Variants in PIWIL2 observed in about 807,000 individuals in gnomAD.
PIWIL2 encodes piwi-like protein 2.
Under a neutral mutation model 116.5 loss-of-function variants are expected in PIWIL2, and 81 were observed. The observed-to-expected ratio is 0.70, with a 90% CI of 0.58 to 0.84. PIWIL2 has a LOEUF of 0.84. Ranked by LOEUF, PIWIL2 falls within the 40% of genes least tolerant of loss-of-function variation. PIWIL2 has a pLI of 0.00. For synonymous variants in PIWIL2, 489 were observed against 429.5 expected, an observed-to-expected ratio of 1.14 and a Z score of -1.71; for missense variants, 1,272 against 1,212.3, an observed-to-expected ratio of 1.05 and a Z score of -0.73.
intron 16 of PIWIL2, among the ~76,000 whole-genome samples, chr8:22,311,689 A>G (rs1023511890): frequency 1.3e-5 from 2 of 152,228 alleles, no homozygotes; most frequent in Non-Finnish European, 2.9e-5. Context: ...CTGGTGATGA[A>G]CTTGGCAGAT....
In PIWIL2 at chr8:22,281,114, C is replaced by A. The variant is rs1226131884; in HGVS notation, c.199-6C>A. Reference sequence around the variant, plus strand: ...TCTTAGAACTTTATTCTTTGACTTTCCACAGGAGTCTGTGGGTTTGGTCTC... The same window carrying A: ...TCTTAGAACTTTATTCTTTGACTTTACACAGGAGTCTGTGGGTTTGGTCTC... On this transcript the variant is annotated splice_polypyrimidine_tract_variant and splice_region_variant and intron_variant, in intron 2 of 22. Coordinates refer to ENST00000356766, the MANE Select transcript of PIWIL2 (RefSeq NM_018068.5). 2 of 1,595,700 alleles carry A rather than the reference C, an allele frequency of 1.3e-6. No individual in the cohort carries two copies. The highest frequency in any genetic ancestry group is 1.7e-4 in the Middle Eastern group (1 of 6,000).
At chr8:22,346,995 C>T (rs1208421148) in intron 20 of PIWIL2, among the ~76,000 whole-genome samples, 2 of 151,194 alleles carry the variant, frequency 1.3e-5, no homozygotes, top group South Asian at 2.1e-4. Context: ...ACAACATAGA[C>T]CTCATATGTA....
chr8:22,276,716 C>T (rs2131970061), intron 1 of PIWIL2, among the ~76,000 whole-genome samples: 1 of 152,228 alleles, frequency 6.6e-6, no homozygotes, highest in South Asian at 2.1e-4. Flanking sequence ...GCCTGGGCAA[C>T]ATGGCAAGAT....
chr8:22,281,901 G>A (rs1388773520), intron 4 of PIWIL2, among the ~76,000 whole-genome samples: 1 of 144,248 alleles, frequency 6.9e-6, no homozygotes, highest in African/African-American at 2.6e-5. Flanking sequence ...CCTCCCAGGT[G>A]TCTGGGACTA....
At position 22,280,015 on chromosome 8, in the gene PIWIL2, C is replaced by CT. The variant is rs1042341912; in HGVS notation, c.198+440dup. ...AAGCCCTAAACAGAAACAAGGTTGT[C>CT]TTTTTTTTTCTTTAACAAGTAGATA... On this transcript the variant is annotated intron_variant, in intron 2 of 22. Coordinates refer to ENST00000356766, the MANE Select transcript of PIWIL2 (RefSeq NM_018068.5). 9.2e-5 allele frequency among the ~76,000 whole-genome samples: 14 copies of CT among 151,718 alleles called. No homozygotes were observed. The South Asian group carries it at 1.3e-3, about 14-fold the overall frequency.
At position 22,283,090 on chromosome 8, in the gene PIWIL2, G is replaced by A; in HGVS notation, c.482G>A (p.Gly161Asp). 2 of 1,614,150 alleles carry A rather than the reference G, an allele frequency of 1.2e-6. No homozygotes were observed. The highest frequency in any genetic ancestry group is 1.7e-6 in the Non-Finnish European group (2 of 1,180,030). The change falls in exon 5 of 23, where the codon GGT becomes GAT. Residue 161 changes from glycine (G) to aspartate (D), a missense_variant. Coordinates refer to ENST00000356766, the MANE Select transcript of PIWIL2 (RefSeq NM_018068.5). ...TTATTACCACTGGGAAGAGCAGCAG[G>A]TGGTATCAGCAGAGAAGTGGACAAG... is the stretch of plus-strand genomic sequence containing the variant. ...ASLLPLGRAA[G>D]GISREVDKPP...
chr8:22,343,002 C>T (rs139252714), intron 20 of PIWIL2, among the ~76,000 whole-genome samples: 1,654 of 152,228 alleles, frequency 0.011, 42 homozygotes, highest in African/African-American at 0.037. Context: ...GGTGTGGTGG[C>T]TCACATCTGT....
intron 10 of PIWIL2, among the ~76,000 whole-genome samples, chr8:22,293,157 G>A (rs1016032961): frequency 6.6e-6 from 1 of 152,088 alleles, no homozygotes; most frequent in Admixed American, 6.5e-5. Flanking sequence ...AGAAAGGTCT[G>A]CTTGGCCAGG....
Position 22,305,374 on chromosome 8 carries a change from A to G in PIWIL2, c.1455+506A>G, listed in dbSNP as rs548773360. On this transcript the variant is annotated intron_variant, in intron 12 of 22. Transcript: ENST00000356766. ...CCCCCGGCTAATTTTTTGTATTTTT[A>G]ATAGAGACGGGGTTTCACCGTGTTA... Among the ~76,000 whole-genome samples the G allele has an allele frequency of 3.3e-4, 50 of 152,042 alleles. 1 individual carries two copies. Among genetic ancestry groups the G allele is most frequent in the African/African-American group, 1.2e-3 (50 of 41,478 alleles).
At chr8:22,304,360 T>G in intron 11 of PIWIL2, 151 bp downstream of exon 11, 1 of 582,510 alleles carries the variant, frequency 1.7e-6, no homozygotes, top group East Asian at 2.8e-5. Context: ...TGAGCTTGTT[T>G]GTGGGATTTG....
Position 22,304,007 on chromosome 8 carries a change from AT to A in PIWIL2, c.1182-13del. The A allele has an allele frequency of 6.3e-7, 1 of 1,590,494 alleles. No individual in the cohort carries two copies. The highest frequency in any genetic ancestry group is 1.1e-5 in the South Asian group (1 of 88,826). On this transcript the variant is annotated splice_polypyrimidine_tract_variant and intron_variant, in intron 10 of 22. Coordinates refer to ENST00000356766, the MANE Select transcript of PIWIL2 (RefSeq NM_018068.5). ...ATATACTGTGATCCAAAAGTCTTTT[AT>A]CTCTTTCCAAAGGCATGCCATTTAT...
chr8:22,283,711 G>C (rs1284288571), intron 5 of PIWIL2, among the ~76,000 whole-genome samples: 2 of 152,166 alleles, frequency 1.3e-5, no homozygotes, highest in Non-Finnish European at 2.9e-5. Context: ...GTCCGGCCAA[G>C]GTGGGACAAT....
intron 7 of PIWIL2, 52 bp from the exon 8 acceptor site, chr8:22,288,490 A>G (rs372158534): frequency 6.7e-7 from 1 of 1,503,092 alleles, no homozygotes; most frequent in South Asian, 1.2e-5. Context: ...GGACTTGGTC[A>G]TTAGTTCTTA....
At chr8:22,290,594 C>G (rs1180001547) in intron 10 of PIWIL2, among the ~76,000 whole-genome samples, 2 of 150,646 alleles carry the variant, frequency 1.3e-5, no homozygotes, top group Admixed American at 1.3e-4. Flanking sequence ...GGTGTGCTAC[C>G]ATGCCCAGCC....
intron 2 of PIWIL2, 146 bp downstream of exon 2, chr8:22,279,730 A>G: frequency 1.4e-6 from 1 of 696,226 alleles, no homozygotes; most frequent in Non-Finnish European, 2.4e-6. Flanking sequence ...AGGCAGGTGG[A>G]TCATCTGAGG....
At chr8:22,336,187 C>A (rs78396212) in intron 20 of PIWIL2, among the ~76,000 whole-genome samples, 9,263 of 152,220 alleles carry the variant, frequency 0.061, 351 homozygotes, top group Admixed American at 0.091. Context: ...CCAGCAACCA[C>A]ATACACATTC....
chr8:22,321,932 T>C (rs775820636), intron 20 of PIWIL2: 30 of 985,084 alleles, frequency 3.0e-5, no homozygotes, highest in Non-Finnish European at 3.5e-5. Flanking sequence ...CACGGCTCGC[T>C]AGTCCAAAGC....
At chr8:22,284,360 C>T (rs1830584491) in intron 6 of PIWIL2, 88 bp downstream of exon 6, 2 of 660,298 alleles carry the variant, frequency 3.0e-6, no homozygotes, top group Admixed American at 3.0e-5. Flanking sequence ...TTGTCCTGGA[C>T]AGTTCCTGGT....
At chr8:22,343,004 C>T (rs1300640872) in intron 20 of PIWIL2, among the ~76,000 whole-genome samples, 1 of 152,148 alleles carries the variant, frequency 6.6e-6, no homozygotes, top group Non-Finnish European at 1.5e-5. Flanking sequence ...TGTGGTGGCT[C>T]ACATCTGTAA....
Sources: gnomAD v4.1 joint callset for allele counts (sites outside exome capture counted in the v4.1 genomes callset) on GRCh38, gnomAD v4.1.1 for gene constraint, MANE v1.5 for transcripts, NCBI Gene and HGNC (gene_info 2026-07-23, HGNC 2026-07-21) for gene names.